PTPN11: variants seen among roughly 807,000 people sequenced by gnomAD.
PTPN11 encodes protein tyrosine phosphatase non-receptor type 11.
PTPN11 carries 6 observed loss-of-function variants against 78.8 expected under a neutral mutation model. The ratio of observed to expected loss-of-function variants is 0.08; its 90% CI spans 0.04 to 0.15. The LOEUF is 0.15. Among genes scored for constraint, PTPN11 ranks in the 10% least tolerant of loss-of-function variants. PTPN11 has a pLI of 1.00. For synonymous variants in PTPN11, 221 were observed against 263.5 expected (o/e 0.84, Z 1.56); for missense variants, 386 against 744.8 (o/e 0.52, Z 5.61).
At chr12:112,430,984 A>G (rs2135834720) in intron 1 of PTPN11, among the ~76,000 whole-genome samples, 1 of 152,348 alleles carries the variant, frequency 6.6e-6, no homozygotes, top group Non-Finnish European at 1.5e-5. Flanking sequence ...TATATTAAAA[A>G]CAATGACCAT....
At chr12:112,429,481 CTTTTTTTTTTTTTT>C (rs1177861343) in intron 1 of PTPN11, among the ~76,000 whole-genome samples, 2 of 110,822 alleles carry the variant, frequency 1.8e-5, no homozygotes, top group African/African-American at 6.8e-5. Flanking sequence ...GTTGAAACTA[CTTTTTTTTTTTTTT>C]TTTTTTTTTT....
intron 7 of PTPN11, 52 bp downstream of exon 7, chr12:112,473,092 C>G (rs770950143): frequency 1.9e-5 from 27 of 1,403,452 alleles, no homozygotes; most frequent in Non-Finnish European, 2.6e-5. Flanking sequence ...ATTTTGATTC[C>G]TAGCACCTCT....
At chr12:112,432,219 C>G (rs1441852324) in intron 1 of PTPN11, among the ~76,000 whole-genome samples, 3 of 152,100 alleles carry the variant, frequency 2.0e-5, no homozygotes, top group African/African-American at 7.2e-5. Context: ...TGAGGGAAAA[C>G]AGGGGATTTC....
intron 10 of PTPN11, among the ~76,000 whole-genome samples, chr12:112,485,082 G>A (rs2038653196): frequency 6.6e-6 from 1 of 151,988 alleles, no homozygotes. Flanking sequence ...CCAACATGGC[G>A]AAACTCCTTC....
At chr12:112,437,347 C>G (rs1189259904) in intron 1 of PTPN11, among the ~76,000 whole-genome samples, 1 of 151,308 alleles carries the variant, frequency 6.6e-6, no homozygotes, top group African/African-American at 2.4e-5. Flanking sequence ...TTTTTTAGTA[C>G]AGATGGGGTT....
At chr12:112,460,943 C>T (rs1484285698) in intron 6 of PTPN11, among the ~76,000 whole-genome samples, 4 of 152,090 alleles carry the variant, frequency 2.6e-5, no homozygotes, top group African/African-American at 7.2e-5. Flanking sequence ...GTCTTTTCTG[C>T]TGTTGAAGAA....
intron 13 of PTPN11, among the ~76,000 whole-genome samples, chr12:112,491,202 T>TA (rs1262666790): frequency 6.6e-6 from 1 of 151,942 alleles, no homozygotes; most frequent in African/African-American, 2.4e-5. Flanking sequence ...CTCAAGTTTT[T>TA]ATAAACAGTT....
chr12:112,454,898 C>A lies in PTPN11; in HGVS notation c.642+218C>A, dbSNP rs1253049554. On this transcript the variant is annotated intron_variant, in intron 5 of 15. Coordinates refer to ENST00000351677, the MANE Select transcript of PTPN11 (RefSeq NM_002834.5). ...ACAGTGTTGCAATCTTGGCTCACTA[C>A]AACCTCTGCTTCCTGGGTTCAAGCG... is the stretch of plus-strand genomic sequence containing the variant. The A allele has an allele frequency of 1.6e-5, 9 of 580,158 alleles. No individual in the cohort carries two copies. In the Admixed American group the frequency reaches 2.2e-4, roughly 14 times the overall value. 35.9% of individuals were successfully genotyped at this position (580,158 alleles called of 1,614,324 possible). A position where few individuals can be genotyped will look rare whatever the true frequency, so the allele number is the denominator to read the frequency against.
rs114823912 is a variant in PTPN11 at position 112,465,473 on chromosome 12, T to A, written c.757-7471T>A. 7.7e-3 allele frequency among the ~76,000 whole-genome samples: 1,172 copies of A among 151,838 alleles called. 15 individuals are homozygous for A. Among genetic ancestry groups the A allele is most frequent in the African/African-American group, 0.026 (1,082 of 41,368 alleles). On this transcript the variant is annotated intron_variant, in intron 6 of 15. Transcript: ENST00000351677. ...TCTCTCTGTGCCTGCTGCTCCCTGT[T>A]GAGTCCTATAGGCCTGAGCTGCCAG...
At chr12:112,473,404 C>G (rs1051685490) in intron 7 of PTPN11, among the ~76,000 whole-genome samples, 3 of 152,098 alleles carry the variant, frequency 2.0e-5, no homozygotes, top group African/African-American at 7.2e-5. Flanking sequence ...GCCTGTGAGT[C>G]CTGGGTAAGG....
intron 1 of PTPN11, among the ~76,000 whole-genome samples, chr12:112,422,327 C>G (rs920154264): frequency 1.3e-5 from 2 of 152,172 alleles, no homozygotes; most frequent in African/African-American, 4.8e-5. Context: ...AAAACTAAGG[C>G]ATTCAGCAAT....
At chr12:112,483,913 A>G (rs760587043) in intron 10 of PTPN11, among the ~76,000 whole-genome samples, 1 of 152,092 alleles carries the variant, frequency 6.6e-6, no homozygotes, top group Non-Finnish European at 1.5e-5. Context: ...CCTTTTTGTG[A>G]ACACACAAAG....
chr12:112,468,469 AGATGGATGG>A (rs2038363934), intron 6 of PTPN11, among the ~76,000 whole-genome samples: 1 of 152,208 alleles, frequency 6.6e-6, no homozygotes, highest in Non-Finnish European at 1.5e-5. Context: ...GTCTCACTCT[AGATGGATGG>A]CATCTTCTGC....
chr12:112,445,516 A>G (rs1468885324), intron 1 of PTPN11, among the ~76,000 whole-genome samples: 2 of 152,114 alleles, frequency 1.3e-5, no homozygotes, highest in Non-Finnish European at 2.9e-5. Flanking sequence ...AATACCTCCA[A>G]TTACAATCTA....
At chr12:112,466,910 G>T (rs1267656890) in intron 6 of PTPN11, among the ~76,000 whole-genome samples, 1 of 151,186 alleles carries the variant, frequency 6.6e-6, no homozygotes, top group Non-Finnish European at 1.5e-5. Context: ...CTCTCTCCTT[G>T]GTCCTTTTCC....
chr12:112,479,434 A>G (rs1056130737), intron 9 of PTPN11, among the ~76,000 whole-genome samples: 1 of 152,172 alleles, frequency 6.6e-6, no homozygotes, highest in African/African-American at 2.4e-5. Flanking sequence ...TGTAATTTTC[A>G]TATTGGATGT....
chr12:112,445,284 AC>A (rs1409808755), intron 1 of PTPN11, among the ~76,000 whole-genome samples: 14 of 152,128 alleles, frequency 9.2e-5, no homozygotes, highest in Non-Finnish European at 1.5e-4. Context: ...GGTGTCCACC[AC>A]CACGCCCACC....
intron 1 of PTPN11, among the ~76,000 whole-genome samples, chr12:112,425,062 C>T (rs1464719897): frequency 6.6e-6 from 1 of 151,002 alleles, no homozygotes; most frequent in East Asian, 1.9e-4. Flanking sequence ...AAATGTTGCC[C>T]AGGCTGGTCT....
rs727505378 is a variant in PTPN11, at chr12:112,446,238, C to T, written c.15-38C>T. On this transcript the variant is annotated intron_variant, in intron 1 of 15. Transcript: ENST00000351677. ...TTGTGGAAAGTAGTGCTGACAGTGT[C>T]TTGTTTTTTTATTACTTACTTTGTC... The T allele has an allele frequency of 2.5e-6, 4 of 1,612,348 alleles. No homozygotes were observed. Among genetic ancestry groups the T allele is most frequent in the Non-Finnish European group, 3.4e-6 (4 of 1,179,002 alleles).
Sources: allele counts gnomAD v4.1 joint callset (sites outside exome capture counted in the v4.1 genomes callset), GRCh38; gene constraint gnomAD v4.1.1; transcripts MANE v1.5; gene names NCBI Gene and HGNC (gene_info 2026-07-23, HGNC 2026-07-21).